The following ANAPC5 variants were observed in gnomAD, a reference collection of about 807,000 sequenced individuals.
ANAPC5 encodes anaphase promoting complex subunit 5, also known as anaphase-promoting complex subunit 5.
In ANAPC5, 60 loss-of-function variants were observed where a neutral mutation model predicts 91.3. That is an observed-to-expected ratio of 0.66 (90% CI 0.53 to 0.81). The LOEUF is 0.81. ANAPC5 is among the 40% of genes least tolerant of loss of function. ANAPC5 has a pLI of 0.00. For synonymous variants in ANAPC5, 340 were observed against 364.1 expected (o/e 0.93, Z 0.75); for missense variants, 690 against 931.5 (o/e 0.74, Z 3.37).
At chr12:121,352,784 T>G (rs1903964174), upstream of ANAPC5, among the ~76,000 whole-genome samples, 1 of 115,608 alleles carries the variant, frequency 8.6e-6, no homozygotes, top group African/African-American at 2.7e-5. Context: ...TTACCAAGAC[T>G]GGAGGGCAGT....
chr12:121,321,178 G>C (rs928800683), intron 11 of ANAPC5: 1 of 151,798 alleles, frequency 6.6e-6, no homozygotes, highest in Non-Finnish European at 1.5e-5. Flanking sequence ...GAACCCAGGA[G>C]GCAGAGGTTG....
chr12:121,317,377 C>A (rs919013048), intron 15 of ANAPC5, among the ~76,000 whole-genome samples: 1 of 151,854 alleles, frequency 6.6e-6, no homozygotes, highest in Non-Finnish European at 1.5e-5. Context: ...CCTCAGCCTC[C>A]CGAGTGGCTG....
At chr12:121,327,326 C>T (rs1902857894) in intron 10 of ANAPC5, 95 bp from the exon 11 acceptor site, 1 of 1,462,650 alleles carries the variant, frequency 6.8e-7, no homozygotes, top group Non-Finnish European at 9.2e-7. Context: ...GGCGTAAAGT[C>T]ATACACCTCA....
intron 4 of ANAPC5, among the ~76,000 whole-genome samples, chr12:121,343,814 C>T (rs1366713375): frequency 6.6e-6 from 1 of 152,190 alleles, no homozygotes; most frequent in Admixed American, 6.5e-5. Context: ...GTCCCTTGAC[C>T]ACCTCCTTAG....
chr12:121,330,805 T>C, intron 8 of ANAPC5, 133 bp from the exon 9 acceptor site: 1 of 660,092 alleles, frequency 1.5e-6, no homozygotes, highest in Admixed American at 2.8e-5. Flanking sequence ...TCAAGAAATA[T>C]CAAGAATCTC....
intron 11 of ANAPC5, among the ~76,000 whole-genome samples, chr12:121,325,814 C>T (rs1005179061): frequency 3.9e-5 from 6 of 152,206 alleles, no homozygotes; most frequent in Non-Finnish European, 7.3e-5. Flanking sequence ...TTGCAGTGAG[C>T]TGAGATCGTG....
At chr12:121,352,869 G>C (rs1555275662), upstream of ANAPC5, among the ~76,000 whole-genome samples, 2 of 152,028 alleles carry the variant, frequency 1.3e-5, no homozygotes, top group Non-Finnish European at 2.9e-5. Context: ...CCGCCTTCCC[G>C]AGAAGCTGGG....
chr12:121,319,826 G>GAA lies in ANAPC5; in HGVS notation c.1516-10_1516-9dup. The GAA allele has an allele frequency of 1.3e-6, 2 of 1,517,406 alleles. No individual in the cohort carries two copies. Among genetic ancestry groups the GAA allele is most frequent in the Admixed American group, 2.0e-5 (1 of 49,512 alleles). 94.0% of individuals were successfully genotyped at this position (1,517,406 alleles called of 1,614,324 possible). On this transcript the variant is annotated splice_polypyrimidine_tract_variant and intron_variant, in intron 12 of 16. Transcript: ENST00000261819. ...ATCACATAGCATCCATAACTAGTAA[G>GAA]AAAAAAAAACACAATTAAGTACAAA...
intron 9 of ANAPC5, 117 bp from the exon 10 acceptor site, chr12:121,328,614 TAAAAGGAAAGTACCTATAAC>T: frequency 1.0e-6 from 1 of 958,656 alleles, no homozygotes; most frequent in Non-Finnish European, 1.6e-6. Flanking sequence ...CAGCACTATT[TAAAAGGAAAGTACCTATAAC>T]CTGGCCTTAA....
intron 10 of ANAPC5, chr12:121,327,882 T>A (rs1555272470): frequency 6.3e-6 from 1 of 159,482 alleles, no homozygotes; most frequent in Non-Finnish European, 1.4e-5. Context: ...AGTTTTGGGG[T>A]TCAGGTGACA....
intron 12 of ANAPC5, 64 bp from the exon 13 acceptor site, chr12:121,319,882 A>G: frequency 6.8e-7 from 1 of 1,470,764 alleles, no homozygotes; most frequent in Non-Finnish European, 9.1e-7. Flanking sequence ...TGAGTATATG[A>G]AAGTATTTTG....
At chr12:121,348,125 G>C (rs1430176012) in intron 1 of ANAPC5, among the ~76,000 whole-genome samples, 1 of 152,148 alleles carries the variant, frequency 6.6e-6, no homozygotes, top group Non-Finnish European at 1.5e-5. Flanking sequence ...AGGATCCACT[G>C]TTCCTTCCTT....
chr12:121,313,186 C>T (rs2393834), intron 15 of ANAPC5, among the ~76,000 whole-genome samples: 12,673 of 149,562 alleles, frequency 0.085, 1,656 homozygotes, highest in African/African-American at 0.29. Flanking sequence ...ATTAGCCAGG[C>T]GTGGTAGCAT....
At position 121,312,939 on chromosome 12, in the gene ANAPC5, A is replaced by G. The variant is rs766859328; in HGVS notation, c.1894-3076T>C. ...TTGTGGGATAAACTACAAATTTATG[A>G]AATATAGTTCTCAAGGAAATTTATA... On this transcript the variant is annotated intron_variant, in intron 15 of 16. Transcript: ENST00000261819. 5.4e-4 allele frequency among the ~76,000 whole-genome samples: 82 copies of G among 152,170 alleles called. 2 individuals carry two copies. Among genetic ancestry groups the G allele is most frequent in the Non-Finnish European group, 1.8e-4 (12 of 68,038 alleles).
intron 15 of ANAPC5, among the ~76,000 whole-genome samples, chr12:121,314,935 T>C (rs947508150): frequency 2.6e-5 from 4 of 152,138 alleles, no homozygotes; most frequent in African/African-American, 9.7e-5. Flanking sequence ...ACACACACTT[T>C]TGTCACATTT....
intron 1 of ANAPC5, among the ~76,000 whole-genome samples, chr12:121,351,496 C>T (rs1202029155): frequency 6.6e-6 from 1 of 150,556 alleles, no homozygotes; most frequent in Non-Finnish European, 1.5e-5. Context: ...CTTGCACTGT[C>T]GCCCAAGCTG....
Position 121,352,365 on chromosome 12 carries a change from C to G in ANAPC5, c.-25G>C, listed in dbSNP as rs1404323869. The G allele has an allele frequency of 1.3e-6, 2 of 1,570,772 alleles. No individual in the cohort carries two copies. The highest frequency in any genetic ancestry group is 1.1e-5 in the South Asian group (1 of 88,398). On this transcript the variant is annotated 5_prime_UTR_variant, in exon 1 of 17. Transcript: ENST00000261819. ...TGGCGGCCCGAGACTAAGTCTCGGG[C>G]CCGCGGCGCGCTGCCGCCAGTTGTC...
chr12:121,339,873 T>G (rs797023159), intron 5 of ANAPC5, among the ~76,000 whole-genome samples: 38 of 128,724 alleles, frequency 3.0e-4, no homozygotes, highest in Admixed American at 1.6e-4. Context: ...TTCCAGTTTT[T>G]TTTTTTTTTT....
intron 1 of ANAPC5, chr12:121,351,132 G>A: frequency 2.3e-6 from 1 of 441,006 alleles, no homozygotes. Context: ...AATACTCTGG[G>A]AGACCAGACG....
Sources: gnomAD v4.1 joint callset for allele counts (sites outside exome capture counted in the v4.1 genomes callset) on GRCh38, gnomAD v4.1.1 for gene constraint, MANE v1.5 for transcripts, NCBI Gene and HGNC (gene_info 2026-07-23, HGNC 2026-07-21) for gene names.